The following RNF130 variants were observed in gnomAD, a reference collection of about 807,000 sequenced individuals.
RNF130 encodes E3 ubiquitin-protein ligase RNF130.
In RNF130, 21 loss-of-function variants were observed where a neutral mutation model predicts 44.6. The ratio of observed to expected loss-of-function variants is 0.47; its 90% confidence interval spans 0.33 to 0.68. RNF130 has a LOEUF of 0.68. Ranked by LOEUF, RNF130 falls within the 30% of genes least tolerant of loss-of-function variation. The probability of loss-of-function intolerance (pLI) is 0.02; values close to 1 mark genes in which losing one functional copy is unlikely to be tolerated. For missense variants in RNF130, 479 were observed against 560.6 expected (o/e 0.85, Z 1.47); for synonymous variants, 214 against 210.4 (o/e 1.02, Z -0.15).
At chr5:180,039,737 A>G (rs1014472495) in intron 2 of RNF130, among the ~76,000 whole-genome samples, 4 of 152,166 alleles carry the variant, frequency 2.6e-5, no homozygotes, top group Non-Finnish European at 5.9e-5. Flanking sequence ...ATGCAAAACT[A>G]AATTTTATCT....
intron 2 of RNF130, among the ~76,000 whole-genome samples, chr5:180,029,394 T>C (rs1289320315): frequency 6.6e-6 from 1 of 152,168 alleles, no homozygotes; most frequent in East Asian, 1.9e-4. Context: ...CAAGAATTTA[T>C]TCTGTCTGAA....
At chr5:180,007,991 T>G (rs1363099661) in intron 3 of RNF130, among the ~76,000 whole-genome samples, 1 of 150,048 alleles carries the variant, frequency 6.7e-6, no homozygotes, top group African/African-American at 2.4e-5. Flanking sequence ...TCTTTTAGTT[T>G]TTTTTTTTTT....
chr5:179,993,844 T>G (rs982815589), intron 3 of RNF130, among the ~76,000 whole-genome samples: 6 of 152,310 alleles, frequency 3.9e-5, no homozygotes, highest in African/African-American at 1.4e-4. Context: ...TCTTTTAGGG[T>G]TTTTATGGTT....
chr5:179,971,664 C>T (rs982382666), intron 5 of RNF130, among the ~76,000 whole-genome samples: 4 of 152,200 alleles, frequency 2.6e-5, no homozygotes, highest in African/African-American at 4.8e-5. Context: ...CCACCACACC[C>T]GGCCAAGATA....
chr5:180,040,232 A>G (rs1054384867), intron 2 of RNF130, among the ~76,000 whole-genome samples: 9 of 152,246 alleles, frequency 5.9e-5, no homozygotes, highest in Non-Finnish European at 8.8e-5. Context: ...AATCACAGCC[A>G]GTTATTTAAT....
chr5:179,942,150 C>A (rs1761975855), intron 7 of RNF130, among the ~76,000 whole-genome samples: 1 of 71,784 alleles, frequency 1.4e-5, no homozygotes, highest in Non-Finnish European at 3.2e-5. Context: ...ATAGGTTTCA[C>A]TTAGAACCAT....
chr5:179,937,692 T>G (rs1196990366), intron 7 of RNF130, among the ~76,000 whole-genome samples: 4 of 152,144 alleles, frequency 2.6e-5, no homozygotes, highest in African/African-American at 9.7e-5. Flanking sequence ...GCAATTCCAC[T>G]GCTAGGTATA....
At chr5:179,962,825 C>T (rs1762365117) in intron 8 of RNF130, among the ~76,000 whole-genome samples, 2 of 152,100 alleles carry the variant, frequency 1.3e-5, no homozygotes, top group Non-Finnish European at 1.5e-5. Context: ...TGCCCTACAG[C>T]AAACCATCCC....
At position 180,023,709 on chromosome 5, in the gene RNF130, T is replaced by C. The variant is rs527755335; in HGVS notation, c.443-10398A>G. ...AAATACCCATGGGTCCATAATGATATAAATAAATGACTGAATAAATTAATA... is the reference window on the plus strand; with the variant it reads ...AAATACCCATGGGTCCATAATGATACAAATAAATGACTGAATAAATTAATA... On this transcript the variant is annotated intron_variant, in intron 2 of 8. Coordinates refer to ENST00000521389, the MANE Select transcript of RNF130 (RefSeq NM_018434.6). Among the ~76,000 whole-genome samples, 96 of 152,190 alleles carry C rather than the reference T, an allele frequency of 6.3e-4. 1 individual carries two copies. Among genetic ancestry groups the C allele is most frequent in the African/African-American group, 2.1e-3 (87 of 41,524 alleles).
intron 3 of RNF130, among the ~76,000 whole-genome samples, chr5:180,000,063 G>A (rs1335992732): frequency 6.6e-6 from 1 of 152,110 alleles, no homozygotes; most frequent in Admixed American, 6.5e-5. Flanking sequence ...TTTCCTGGTA[G>A]TGAATACTGT....
intron 5 of RNF130, 41 bp downstream of exon 5, chr5:179,978,162 C>A (rs1425827990): frequency 2.6e-6 from 4 of 1,514,334 alleles, no homozygotes; most frequent in Non-Finnish European, 3.7e-6. Context: ...ATACAAAGCA[C>A]ATTAATATCA....
chr5:179,947,333 A>C (rs1762056447), intron 7 of RNF130, among the ~76,000 whole-genome samples: 1 of 152,114 alleles, frequency 6.6e-6, no homozygotes, highest in African/African-American at 2.4e-5. Flanking sequence ...ATCACCATCC[A>C]GCCCTAGGAC....
chr5:180,035,582 T>G (rs1273297483), intron 2 of RNF130, among the ~76,000 whole-genome samples: 2 of 152,218 alleles, frequency 1.3e-5, no homozygotes, highest in Non-Finnish European at 2.9e-5. Context: ...ATTCTATCAA[T>G]TACTAAGAGT....
At chr5:179,984,163 T>C (rs1762902263) in intron 3 of RNF130, among the ~76,000 whole-genome samples, 1 of 152,188 alleles carries the variant, frequency 6.6e-6, no homozygotes, top group Non-Finnish European at 1.5e-5. Flanking sequence ...GTTGGTCTTT[T>C]TCATAGATTC....
At chr5:180,039,630 G>A (rs922337396) in intron 2 of RNF130, among the ~76,000 whole-genome samples, 1 of 152,198 alleles carries the variant, frequency 6.6e-6, no homozygotes, top group African/African-American at 2.4e-5. Flanking sequence ...ATTAAGGTGG[G>A]CAAGTCTTTG....
At chr5:180,056,707 A>G (rs1373037462) in intron 1 of RNF130, among the ~76,000 whole-genome samples, 1 of 152,216 alleles carries the variant, frequency 6.6e-6, no homozygotes, top group East Asian at 1.9e-4. Flanking sequence ...TAAAATGTGT[A>G]TATATGTGTA....
At chr5:180,033,696 TAA>T (rs34698128) in intron 2 of RNF130, among the ~76,000 whole-genome samples, 87 of 148,744 alleles carry the variant, frequency 5.8e-4, no homozygotes, top group Admixed American at 1.0e-3. Context: ...ACTCTGCCTT[TAA>T]AAAAAAAAAA....
chr5:180,069,334 T>A (rs957125208), intron 1 of RNF130, among the ~76,000 whole-genome samples: 2 of 152,178 alleles, frequency 1.3e-5, no homozygotes, highest in African/African-American at 4.8e-5. Context: ...TAATATTTGC[T>A]GGACTGAAAA....
intron 1 of RNF130, among the ~76,000 whole-genome samples, chr5:180,047,637 G>A (rs35608303): frequency 0.13 from 19,121 of 152,030 alleles, 1,359 homozygotes; most frequent in East Asian, 0.25. Context: ...CTAGCTACTC[G>A]GGAGGCTGAG....
Sources: allele counts gnomAD v4.1 joint callset (sites outside exome capture counted in the v4.1 genomes callset), GRCh38; gene constraint gnomAD v4.1.1; transcripts MANE v1.5; gene names NCBI Gene and HGNC (gene_info 2026-07-23, HGNC 2026-07-21).